ARHGAP1: variants seen among roughly 807,000 people sequenced by gnomAD.
The protein encoded by ARHGAP1 is Rho GTPase activating protein 1, also known as rho GTPase-activating protein 1.
In ARHGAP1, 23 loss-of-function variants were observed where a neutral mutation model predicts 52.2. The ratio of observed to expected loss-of-function variants is 0.44; its 90% confidence interval spans 0.32 to 0.62. The LOEUF (loss-of-function observed/expected upper bound fraction) is 0.62. ARHGAP1 is among the 20% of genes least tolerant of loss of function. The pLI, the probability that ARHGAP1 is intolerant of heterozygous loss-of-function variation, is 0.05. For synonymous variants in ARHGAP1, 210 were observed against 228.4 expected, an observed-to-expected ratio of 0.92 and a Z score of 0.73; for missense variants, 480 against 560.9, an observed-to-expected ratio of 0.86 and a Z score of 1.46.
In ARHGAP1 at chr11:46,679,182, A is replaced by C; in HGVS notation, c.1175T>G (p.Leu392Arg). The change falls in exon 13 of 13, where the codon CTG becomes CGG. Residue 392 changes from leucine to arginine, a missense_variant. Leu to Arg is a moderately radical substitution (Grantham distance 102). Coordinates refer to ENST00000311956, the MANE Select transcript of ARHGAP1 (RefSeq NM_004308.5). The surrounding 1 kb of genome is among the most constrained non-coding windows in gnomAD (Gnocchi z 4.4). Reference protein sequence around the residue: ...SDQNKMTNTNLAVVFGPNLLW... With the variant: ...SDQNKMTNTNRAVVFGPNLLW... ...CAGGTTAGGGCCGAAAACAACAGCC[A>C]GGTTAGTGTTGGTCATCTTGTTCTG... The C allele has an allele frequency of 1.9e-6, 3 of 1,612,488 alleles. No homozygotes were observed. The highest frequency in any genetic ancestry group is 2.5e-6 in the Non-Finnish European group (3 of 1,179,082).
intron 4 of ARHGAP1, among the ~76,000 whole-genome samples, chr11:46,683,527 C>T (rs929440542): frequency 4.6e-5 from 7 of 152,124 alleles, no homozygotes; most frequent in Admixed American, 3.9e-4. Context: ...GCTCATGACA[C>T]GCTATCTACC....
chr11:46,682,289 C>T, intron 4 of ARHGAP1, 107 bp from the exon 5 acceptor site: 1 of 1,448,342 alleles, frequency 6.9e-7, no homozygotes, highest in Non-Finnish European at 9.5e-7. Flanking sequence ...CCCTTCCCCA[C>T]AGGCCCTCCC....
chr11:46,695,744 T>C lies in ARHGAP1; in HGVS notation c.145A>G (p.Ser49Gly), dbSNP rs1214349338. Residue 49 changes from serine to glycine, a missense_variant, in exon 3 of 13, where the codon AGC becomes GGC. Physicochemically the swap from Ser to Gly is moderately conservative, Grantham distance 56. Coordinates refer to ENST00000311956, the MANE Select transcript of ARHGAP1 (RefSeq NM_004308.5). ...PDFPKSDDSK[S>G]SSPELVTHLK... ...TGTGTGACAAGTTCCGGGGAGCTGC[T>C]TTTGGAGTCATCTGAGGAACACAGC... The C allele has an allele frequency of 4.5e-6, 7 of 1,552,296 alleles. No individual in the cohort carries two copies. Among genetic ancestry groups the C allele is most frequent in the Non-Finnish European group, 6.1e-6 (7 of 1,147,286 alleles).
chr11:46,681,083 TAGA>T lies in ARHGAP1; in HGVS notation c.560_562del (p.Phe187del), dbSNP rs1363930963. 5.0e-6 allele frequency: 8 copies of T among 1,614,024 alleles called. No individual in the cohort carries two copies. The highest frequency in any genetic ancestry group is 4.0e-5 in the African/African-American group (3 of 74,926). On this transcript the variant is annotated inframe_deletion, in exon 7 of 13. Transcript: ENST00000311956. This position sits in a 1 kb window ranked among gnomAD's most constrained non-coding sequence, Gnocchi z 5.7. ...GCTCAGCTCGCTCAGGTAATTCACA[TAGA>T]AGATCTTCTGCCCGAACTTGAAGCT...
intron 4 of ARHGAP1, 129 bp downstream of exon 4, chr11:46,688,044 T>G: frequency 2.4e-6 from 2 of 830,870 alleles, no homozygotes; most frequent in Admixed American, 2.6e-5. Context: ...AGCTCCTTCA[T>G]GAGAAGAGGG....
chr11:46,693,896 T>C (rs557800888), intron 3 of ARHGAP1, among the ~76,000 whole-genome samples: 3 of 152,136 alleles, frequency 2.0e-5, no homozygotes, highest in South Asian at 2.1e-4. Flanking sequence ...ATGGCCTTTT[T>C]CCCCCTCTCC....
Position 46,680,407 on chromosome 11 carries a change from C to G in ARHGAP1, c.820+80G>C. ...ACGTTGAGGCTTGCAGGACCTCCCT[C>G]TGCCCTGCCCAGCAGCTTCCCCAGC... is the stretch of plus-strand genomic sequence containing the variant. On this transcript the variant is annotated intron_variant, in intron 9 of 12. Transcript: ENST00000311956. This position sits in a 1 kb window ranked among gnomAD's most constrained non-coding sequence, Gnocchi z 5.9. 1 of 1,586,352 alleles carries G rather than the reference C, an allele frequency of 6.3e-7. No individual in the cohort carries two copies. Among genetic ancestry groups the G allele is most frequent in the Non-Finnish European group, 8.7e-7 (1 of 1,155,742 alleles).
At chr11:46,690,131 CT>C (rs1272120617) in intron 3 of ARHGAP1, among the ~76,000 whole-genome samples, 2 of 151,062 alleles carry the variant, frequency 1.3e-5, no homozygotes, top group Non-Finnish European at 3.0e-5. Flanking sequence ...AGTCCCAACA[CT>C]TTGGGAGGCC....
chr11:46,681,208 ACCTGGTGGTCCCCAGGCTGCCCAGCCTC>A lies in ARHGAP1; in HGVS notation c.536+57_536+84del. 6.5e-7 allele frequency: 1 copy of A among 1,541,480 alleles called. No individual in the cohort carries two copies. Among genetic ancestry groups the A allele is most frequent in the Non-Finnish European group, 9.0e-7 (1 of 1,114,482 alleles). ...CCAGTTCAGACGGAAGCCCAGCCGC[ACCTGGTGGTCCCCAGGCTGCCCAGCCTC>A]CCAGCTTCAGAGTTCCAGGCAAGCC... On this transcript the variant is annotated intron_variant, in intron 6 of 12. Coordinates refer to ENST00000311956, the MANE Select transcript of ARHGAP1 (RefSeq NM_004308.5). This position sits in a 1 kb window ranked among gnomAD's most constrained non-coding sequence, Gnocchi z 5.7.
Position 46,680,572 on chromosome 11 carries a change from A to T in ARHGAP1, c.744-9T>A, listed in dbSNP as rs763292732. Reference sequence around the variant, plus strand: ...GATTCTTCTCCTGGAGGCTGCGGGAAAAAGGCTGGTGAGCCGGGCCTGCAG... The same window carrying T: ...GATTCTTCTCCTGGAGGCTGCGGGATAAAGGCTGGTGAGCCGGGCCTGCAG... On this transcript the variant is annotated splice_polypyrimidine_tract_variant and intron_variant, in intron 8 of 12. Coordinates refer to ENST00000311956, the MANE Select transcript of ARHGAP1 (RefSeq NM_004308.5). The surrounding 1 kb of genome is among the most constrained non-coding windows in gnomAD (Gnocchi z 5.9). 19 of 1,613,928 alleles carry T rather than the reference A, an allele frequency of 1.2e-5. No individual in the cohort carries two copies. Among genetic ancestry groups the T allele is most frequent in the African/African-American group, 8.0e-5 (6 of 74,936 alleles).
intron 3 of ARHGAP1, 25 bp downstream of exon 3, chr11:46,695,635 G>C (rs746031230): frequency 6.5e-7 from 1 of 1,549,580 alleles, no homozygotes; most frequent in South Asian, 1.2e-5. Context: ...CTGAGGGTTA[G>C]GAAAATAGTG....
rs1007449143 is a variant in ARHGAP1 at position 46,696,176 on chromosome 11, G to A, written c.-49-20C>T. 2.7e-5 allele frequency: 41 copies of A among 1,518,670 alleles called. 1 individual carries two copies. The South Asian group carries it at 4.1e-4, about 15-fold the overall frequency. 94.1% of individuals were successfully genotyped at this position (1,518,670 alleles called of 1,614,324 possible). Reference sequence around the variant, plus strand: ...AGAAACCTGGGAGAGAGGAAGACAGGTGGCAGGTCAGTGACCTGCTCTTTT... The same window carrying A: ...AGAAACCTGGGAGAGAGGAAGACAGATGGCAGGTCAGTGACCTGCTCTTTT... On this transcript the variant is annotated intron_variant, in intron 1 of 12. Coordinates refer to ENST00000311956, the MANE Select transcript of ARHGAP1 (RefSeq NM_004308.5). This position sits in a 1 kb window ranked among gnomAD's most constrained non-coding sequence, Gnocchi z 4.8.
Position 46,696,496 on chromosome 11 carries a change from C to G in ARHGAP1, c.-49-340G>C, listed in dbSNP as rs538227551. Among the ~76,000 whole-genome samples, 35 of 152,308 alleles carry G rather than the reference C, an allele frequency of 2.3e-4. No individual in the cohort carries two copies. The highest frequency in any genetic ancestry group is 8.2e-4 in the African/African-American group (34 of 41,552). ...AGTCCCAGCTGTAGAGGGCAGAGGT[C>G]CACGCCCCTCGCCTCAGGAGACCTG... On this transcript the variant is annotated intron_variant, in intron 1 of 12. Transcript: ENST00000311956. This position sits in a 1 kb window ranked among gnomAD's most constrained non-coding sequence, Gnocchi z 4.8.
intron 4 of ARHGAP1, among the ~76,000 whole-genome samples, chr11:46,686,561 G>A (rs1036417795): frequency 1.3e-5 from 2 of 151,038 alleles, no homozygotes; most frequent in South Asian, 2.1e-4. Context: ...GACTACAGGC[G>A]CCCGCCACCA....
At position 46,695,716 on chromosome 11, in the gene ARHGAP1, A is replaced by C; in HGVS notation, c.173T>G (p.Leu58Arg). The C allele has an allele frequency of 6.4e-7, 1 of 1,552,136 alleles. No homozygotes were observed. The change falls in exon 3 of 13, where the codon CTG (leucine) becomes CGG (arginine). Residue 58 changes from leucine to arginine, a missense_variant. Physicochemically the swap from Leu to Arg is moderately radical, Grantham distance 102 (BLOSUM62 -2). Coordinates refer to ENST00000311956, the MANE Select transcript of ARHGAP1 (RefSeq NM_004308.5). ...KSSSPELVTHLKWDDPYYDIA... is the reference protein window; with the variant it reads ...KSSSPELVTHRKWDDPYYDIA... ...GTCATAGTATGGGTCATCCCACTTC[A>C]GGTGTGTGACAAGTTCCGGGGAGCT...
intron 4 of ARHGAP1, chr11:46,687,775 A>G (rs927079786): frequency 1.2e-5 from 2 of 171,550 alleles, no homozygotes; most frequent in African/African-American, 4.8e-5. Context: ...AGACAACACT[A>G]ATGAGTCCTA....
Position 46,695,760 on chromosome 11 carries a change from G to A in ARHGAP1, c.134-5C>T, listed in dbSNP as rs532840893. 22 of 1,552,706 alleles carry A rather than the reference G, an allele frequency of 1.4e-5. No homozygotes were observed. In the African/African-American group the frequency reaches 2.5e-4, roughly 17 times the overall value. On this transcript the variant is annotated splice_polypyrimidine_tract_variant and splice_region_variant and intron_variant, in intron 2 of 12. Transcript: ENST00000311956. ...GGGAGCTGCTTTTGGAGTCATCTGAGGAACACAGCAGGGTCAGGGGACAAG... is the reference window on the plus strand; with the variant it reads ...GGGAGCTGCTTTTGGAGTCATCTGAAGAACACAGCAGGGTCAGGGGACAAG...
At chr11:46,700,037 G>A (rs561510609) in intron 1 of ARHGAP1, among the ~76,000 whole-genome samples, 1 of 152,178 alleles carries the variant, frequency 6.6e-6, no homozygotes, top group South Asian at 2.1e-4. Context: ...GGGCGTGGTG[G>A]CGGACGCCTG....
chr11:46,695,805 C>A (rs1307521936), intron 2 of ARHGAP1, 50 bp from the exon 3 acceptor site: 2 of 1,555,260 alleles, frequency 1.3e-6, no homozygotes, highest in Admixed American at 1.9e-5. Flanking sequence ...TGGCACCATG[C>A]TCTGCCCCAC....
Sources: allele counts gnomAD v4.1 joint callset (sites outside exome capture counted in the v4.1 genomes callset), GRCh38; gene constraint gnomAD v4.1.1; non-coding constraint Gnocchi (gnomAD v3.1); transcripts MANE v1.5; gene names NCBI Gene and HGNC (gene_info 2026-07-23, HGNC 2026-07-21).